EIF2AK2: variants seen among roughly 807,000 people sequenced by gnomAD.
EIF2AK2 encodes interferon-induced, double-stranded RNA-activated protein kinase.
Under a neutral mutation model 70.5 loss-of-function variants are expected in EIF2AK2, and 40 were observed. That is an observed-to-expected ratio of 0.57 (90% CI 0.44 to 0.74). EIF2AK2 has a LOEUF of 0.74. EIF2AK2 is among the 30% of genes least tolerant of loss of function. The probability of loss-of-function intolerance (pLI) is 0.00; values close to 1 mark genes in which losing one functional copy is unlikely to be tolerated. For missense variants in EIF2AK2, 555 were observed against 644.3 expected, an observed-to-expected ratio of 0.86 and a Z score of 1.50; for synonymous variants, 198 against 220.9, an observed-to-expected ratio of 0.90 and a Z score of 0.92.
chr2:37,120,258 G>A, intron 12 of EIF2AK2, 119 bp from the exon 13 acceptor site: 1 of 699,350 alleles, frequency 1.4e-6, no homozygotes. Flanking sequence ...ATCTTCTTAA[G>A]AACCCCAAAA....
At chr2:37,144,315 T>C (rs550912031) in intron 4 of EIF2AK2, among the ~76,000 whole-genome samples, 1 of 151,612 alleles carries the variant, frequency 6.6e-6, no homozygotes, top group African/African-American at 2.4e-5. Flanking sequence ...CTGGTTTATA[T>C]ATTTACTATA....
At position 37,103,649 on chromosome 2, in the gene EIF2AK2, A is replaced by G. The variant is rs1673882494; in HGVS notation, c.*3624T>C. The G allele has an allele frequency of 6.6e-6, 1 of 152,226 alleles. No individual in the cohort carries two copies. Among genetic ancestry groups the G allele is most frequent in the Non-Finnish European group, 1.5e-5 (1 of 68,042 alleles). The allele number at this position is 152,226 out of a possible 1,614,324, so 9.4% of individuals were successfully genotyped here. Reference sequence around the variant, plus strand: ...ATTTCTCTCTACGCAGAACATTTCCAAATCTACAGAAAAGTTCAAAGAATA... The same window carrying G: ...ATTTCTCTCTACGCAGAACATTTCCGAATCTACAGAAAAGTTCAAAGAATA... On this transcript the variant is annotated 3_prime_UTR_variant, in exon 17 of 17. Transcript: ENST00000233057.
intron 5 of EIF2AK2, 77 bp downstream of exon 5, chr2:37,141,476 A>G: frequency 3.3e-5 from 51 of 1,551,176 alleles, no homozygotes; most frequent in Non-Finnish European, 4.4e-5. Context: ...ATATTTCTGG[A>G]AAATTAGACA....
At chr2:37,156,473 C>T (rs1172777247) in intron 1 of EIF2AK2, among the ~76,000 whole-genome samples, 3 of 152,166 alleles carry the variant, frequency 2.0e-5, no homozygotes. Flanking sequence ...ACTACTGCAA[C>T]TCTCCACGGA....
chr2:37,155,536 T>A (rs1675891656), intron 1 of EIF2AK2, among the ~76,000 whole-genome samples: 1 of 152,200 alleles, frequency 6.6e-6, no homozygotes, highest in Admixed American at 6.5e-5. Flanking sequence ...TAGTATGGGC[T>A]TGCCACTCCA....
At chr2:37,111,874 A>AT (rs1171633289) in intron 14 of EIF2AK2, among the ~76,000 whole-genome samples, 5 of 43,258 alleles carry the variant, frequency 1.2e-4, no homozygotes, top group Non-Finnish European at 2.6e-4. Flanking sequence ...AAAAAAAAAA[A>AT]AAAAATATAT....
chr2:37,120,925 T>C (rs1389716992), intron 12 of EIF2AK2, among the ~76,000 whole-genome samples: 1 of 147,456 alleles, frequency 6.8e-6, no homozygotes, highest in African/African-American at 2.5e-5. Context: ...GATCACGCCA[T>C]TGTGCTCCCG....
intron 1 of EIF2AK2, among the ~76,000 whole-genome samples, chr2:37,154,767 G>C (rs1675865212): frequency 6.6e-6 from 1 of 151,962 alleles, no homozygotes; most frequent in Non-Finnish European, 1.5e-5. Context: ...TCCCCATGTT[G>C]GCCAGGCTGG....
Position 37,100,594 on chromosome 2 carries a change from T to G in EIF2AK2, c.*6679A>C, listed in dbSNP as rs1673803981. 6.6e-6 allele frequency: 1 copy of G among 152,250 alleles called. No homozygotes were observed. The highest frequency in any genetic ancestry group is 6.5e-5 in the Admixed American group (1 of 15,286). The allele number at this position is 152,250 out of a possible 1,614,324, so 9.4% of individuals were successfully genotyped here. On this transcript the variant is annotated 3_prime_UTR_variant, in exon 17 of 17. Coordinates refer to ENST00000233057, the MANE Select transcript of EIF2AK2 (RefSeq NM_001135651.3). ...GATTCCCTTCATCTATGACTATTTT[T>G]AAGAAATGTAAGATTTGGATAAGTC... is the stretch of plus-strand genomic sequence containing the variant.
chr2:37,118,056 C>T (rs909455799), intron 13 of EIF2AK2, among the ~76,000 whole-genome samples: 4 of 152,048 alleles, frequency 2.6e-5, no homozygotes, highest in African/African-American at 4.8e-5. Context: ...ACCTGGAATG[C>T]CAGCACTTTG....
Position 37,147,740 on chromosome 2 carries a change from C to A in EIF2AK2, c.67G>T (p.Val23Leu), listed in dbSNP as rs1206749784. The A allele has an allele frequency of 1.2e-6, 2 of 1,613,722 alleles. No individual in the cohort carries two copies. The highest frequency in any genetic ancestry group is 1.7e-5 in the Admixed American group (1 of 60,002). Residue 23 changes from valine to leucine, a missense_variant, in exon 3 of 17, where the codon GTA becomes TTA. Val to Leu is a conservative substitution (Grantham distance 32). Transcript: ENST00000233057. ...ELNTYRQKQG[V>L]VLKYQELPNS... ...GGCAGTTCTTGATATTTAAGTACTA[C>A]TCCCTGCTTCTGACGGTATGTATTA...
At position 37,101,706 on chromosome 2, in the gene EIF2AK2, C is replaced by T. The variant is rs1036929343; in HGVS notation, c.*5567G>A. On this transcript the variant is annotated 3_prime_UTR_variant, in exon 17 of 17. Transcript: ENST00000233057. The stretch of plus-strand genomic sequence containing the variant: ...AAATAAAAGCCGAAAAGAACTAAAA[C>T]GCAGGGGTAAATTTTACAGAGTAAA... 5 of 152,058 alleles carry T rather than the reference C, an allele frequency of 3.3e-5. No individual in the cohort carries two copies. The highest frequency in any genetic ancestry group is 2.1e-4 in the South Asian group (1 of 4,826). The allele number at this position is 152,058 out of a possible 1,614,324, so 9.4% of individuals were successfully genotyped here. A position where few individuals can be genotyped will look rare whatever the true frequency, so the allele number is the denominator to read the frequency against.
At chr2:37,141,499 A>G (rs1014970512) in intron 5 of EIF2AK2, 54 bp downstream of exon 5, 1 of 1,580,356 alleles carries the variant, frequency 6.3e-7, no homozygotes, top group East Asian at 2.3e-5. Context: ...AAAATAAACC[A>G]ACTTTATTGC....
At chr2:37,113,224 G>A (rs372239636) in intron 14 of EIF2AK2, among the ~76,000 whole-genome samples, 1 of 152,098 alleles carries the variant, frequency 6.6e-6, no homozygotes, top group Non-Finnish European at 1.5e-5. Flanking sequence ...TGCTGGGTTT[G>A]GTGGCTCACG....
At chr2:37,135,399 G>C in intron 10 of EIF2AK2, 85 bp downstream of exon 10, 1 of 1,072,878 alleles carries the variant, frequency 9.3e-7, no homozygotes, top group Non-Finnish European at 1.4e-6. Flanking sequence ...TAACTGACAG[G>C]ATCATGGCCA....
chr2:37,122,797 A>G, intron 11 of EIF2AK2, 133 bp from the exon 12 acceptor site: 1 of 1,164,928 alleles, frequency 8.6e-7, no homozygotes, highest in Non-Finnish European at 1.2e-6. Context: ...ATAGTTTTAG[A>G]ATGGAAGCCA....
chr2:37,129,631 C>T (rs1001610890), intron 10 of EIF2AK2, among the ~76,000 whole-genome samples: 15 of 152,100 alleles, frequency 9.9e-5, no homozygotes, highest in African/African-American at 3.4e-4. Flanking sequence ...TAACTGAATA[C>T]CAAGGCCCAT....
chr2:37,128,558 A>G (rs2148687647), intron 10 of EIF2AK2, among the ~76,000 whole-genome samples: 1 of 152,322 alleles, frequency 6.6e-6, no homozygotes, highest in South Asian at 2.1e-4. Context: ...TGCAATGTCA[A>G]TTAAACTGTT....
At chr2:37,132,947 T>G (rs1675000013) in intron 10 of EIF2AK2, among the ~76,000 whole-genome samples, 1 of 152,228 alleles carries the variant, frequency 6.6e-6, no homozygotes, top group South Asian at 2.1e-4. Flanking sequence ...GAGCTTCGAC[T>G]GTCACCTCCA....
Sources: allele counts gnomAD v4.1 joint callset (sites outside exome capture counted in the v4.1 genomes callset), GRCh38; gene constraint gnomAD v4.1.1; transcripts MANE v1.5; gene names NCBI Gene and HGNC (gene_info 2026-07-23, HGNC 2026-07-21).